The following TMCO1 variants were observed in gnomAD, a reference collection of about 807,000 sequenced individuals.
The protein encoded by TMCO1 is transmembrane and coiled-coil domains 1.
In TMCO1, 29 loss-of-function variants were observed where a neutral mutation model predicts 29.3. That is an observed-to-expected ratio of 0.99 (90% CI 0.74 to 1.35). TMCO1 has a LOEUF of 1.35. TMCO1 is among the 40% of genes most tolerant of loss of function. The pLI is 0.00. For synonymous variants in TMCO1, 80 were observed against 77.1 expected (o/e 1.04, Z -0.20); for missense variants, 173 against 225.5 (o/e 0.77, Z 1.49).
rs1405221262 is a variant in TMCO1, at chr1:165,759,397, TG to T, written c.208+127del. ...AGAATCAAGTGAGATAAAGTATGCA[TG>T]TGCTTTATAAACCATAAAATCATAG... is the stretch of plus-strand genomic sequence containing the variant. On this transcript the variant is annotated intron_variant, in intron 3 of 6. Transcript: ENST00000367881. 5 of 723,196 alleles carry T rather than the reference TG, an allele frequency of 6.9e-6. No homozygotes were observed. The African/African-American group carries it at 8.9e-5, about 13-fold the overall frequency. The allele number at this position is 723,196 out of a possible 1,614,324, so 44.8% of individuals were successfully genotyped here.
At chr1:165,744,067 C>T (rs1651700504) in intron 5 of TMCO1, among the ~76,000 whole-genome samples, 1 of 151,980 alleles carries the variant, frequency 6.6e-6, no homozygotes, top group South Asian at 2.1e-4. Flanking sequence ...ACGATGTTGG[C>T]CTTGATGGTC....
chr1:165,764,270 C>T (rs1052569399), intron 2 of TMCO1, among the ~76,000 whole-genome samples: 3 of 152,214 alleles, frequency 2.0e-5, no homozygotes, highest in African/African-American at 7.2e-5. Flanking sequence ...ATTAAATACA[C>T]ATTTATCAAG....
chr1:165,754,375 C>G, intron 3 of TMCO1, 101 bp from the exon 4 acceptor site: 1 of 891,896 alleles, frequency 1.1e-6, no homozygotes, highest in Non-Finnish European at 1.9e-6. Context: ...CACTCTATCT[C>G]AATATCATTT....
At chr1:165,728,197 A>G in intron 6 of TMCO1, 76 bp from the exon 7 acceptor site, 1 of 1,122,268 alleles carries the variant, frequency 8.9e-7, no homozygotes, top group Middle Eastern at 2.1e-4. Context: ...GCTCTCAGGC[A>G]AAGGGAACTC....
intron 6 of TMCO1, among the ~76,000 whole-genome samples, chr1:165,742,111 C>A (rs2101797576): frequency 6.6e-6 from 1 of 152,350 alleles, no homozygotes; most frequent in South Asian, 2.1e-4. Context: ...AAAAGAGAAT[C>A]ACTTGTGTAA....
rs1169390058 is a variant in TMCO1, at chr1:165,727,057, T to G, written c.*966A>C. 1 of 454,134 alleles carries G rather than the reference T, an allele frequency of 2.2e-6. No individual in the cohort carries two copies. The highest frequency in any genetic ancestry group is 4.4e-6 in the Non-Finnish European group (1 of 226,802). The allele number at this position is 454,134 out of a possible 1,614,324, so 28.1% of individuals were successfully genotyped here. A position where few individuals can be genotyped will look rare whatever the true frequency, so the allele number is the denominator to read the frequency against. On this transcript the variant is annotated 3_prime_UTR_variant, in exon 7 of 7. Transcript: ENST00000367881. ...TTGATAAGACTCCACACAGGACTCCTAATTCCATAGATTATGCGGGGAGGA... is the reference window on the plus strand; with the variant it reads ...TTGATAAGACTCCACACAGGACTCCGAATTCCATAGATTATGCGGGGAGGA...
downstream of TMCO1, chr1:165,724,455 A>C (rs914712618): frequency 4.4e-6 from 2 of 454,144 alleles, no homozygotes; most frequent in Non-Finnish European, 8.8e-6. Flanking sequence ...AATATATTGT[A>C]AGAGGGCAGA....
At chr1:165,735,286 T>C (rs917127433) in intron 6 of TMCO1, among the ~76,000 whole-genome samples, 4 of 152,172 alleles carry the variant, frequency 2.6e-5, no homozygotes, top group Non-Finnish European at 5.9e-5. Context: ...AAAGACAAAA[T>C]GTTTTATTTT....
In TMCO1 at chr1:165,745,466, A is replaced by C. The variant is rs570894109; in HGVS notation, c.324-2155T>G. 1.2e-4 allele frequency among the ~76,000 whole-genome samples: 12 copies of C among 99,716 alleles called. No homozygotes were observed. The Admixed American group carries it at 1.3e-3, about 11-fold the overall frequency. 65.4% of individuals were successfully genotyped at this position (99,716 alleles called of 152,430 possible). A position where few individuals can be genotyped will look rare whatever the true frequency, so the allele number is the denominator to read the frequency against. On this transcript the variant is annotated intron_variant, in intron 5 of 6. Transcript: ENST00000367881. The stretch of plus-strand genomic sequence containing the variant: ...AGCCCGGGCAACATGGCGAAACCCT[A>C]TCTCTACCAAAAAAAAAAAAAAAAA...
At chr1:165,765,326 C>T (rs899010449) in intron 2 of TMCO1, among the ~76,000 whole-genome samples, 1 of 152,110 alleles carries the variant, frequency 6.6e-6, no homozygotes, top group African/African-American at 2.4e-5. Context: ...CACTGTTGGC[C>T]AAGCTGGAGT....
chr1:165,734,940 A>G (rs1651312010), intron 6 of TMCO1, among the ~76,000 whole-genome samples: 1 of 152,234 alleles, frequency 6.6e-6, no homozygotes, highest in African/African-American at 2.4e-5. Context: ...TAGAAAACGG[A>G]AGCTCCCTTC....
chr1:165,744,693 G>A (rs2101799867), intron 5 of TMCO1, among the ~76,000 whole-genome samples: 1 of 151,580 alleles, frequency 6.6e-6, no homozygotes, highest in South Asian at 2.1e-4. Context: ...AGGAGGCTGA[G>A]GCAGGAGAAT....
chr1:165,762,461 G>A (rs1479107554), intron 2 of TMCO1, among the ~76,000 whole-genome samples: 1 of 152,050 alleles, frequency 6.6e-6, no homozygotes, highest in Non-Finnish European at 1.5e-5. Context: ...CTAGAGAATA[G>A]AAACATAAGA....
At position 165,768,279 on chromosome 1, in the gene TMCO1, T is replaced by C. The variant is rs764578344; in HGVS notation, c.71-10A>G. The C allele has an allele frequency of 2.5e-6, 4 of 1,610,254 alleles. No homozygotes were observed. The highest frequency in any genetic ancestry group is 2.2e-5 in the South Asian group (2 of 90,986). ...AGGACCCAGGTTATGCCTAAAACATTAAAAGCAACATGTTAATAGAGAAAT... is the reference window on the plus strand; with the variant it reads ...AGGACCCAGGTTATGCCTAAAACATCAAAAGCAACATGTTAATAGAGAAAT... On this transcript the variant is annotated splice_polypyrimidine_tract_variant and intron_variant, in intron 1 of 6. Coordinates refer to ENST00000367881, the MANE Select transcript of TMCO1 (RefSeq NM_019026.6).
At chr1:165,745,212 G>A (rs1011674587) in intron 5 of TMCO1, among the ~76,000 whole-genome samples, 2 of 145,608 alleles carry the variant, frequency 1.4e-5, no homozygotes, top group African/African-American at 2.6e-5. Context: ...TTGTAGAGCT[G>A]TGGTCTTCCT....
intron 5 of TMCO1, among the ~76,000 whole-genome samples, chr1:165,751,626 C>T (rs769763456): frequency 1.3e-5 from 2 of 151,466 alleles, no homozygotes; most frequent in South Asian, 2.1e-4. Flanking sequence ...ATCGCTTGAA[C>T]GCAGGAAGAC....
At chr1:165,743,356 G>C (rs780642772) in intron 5 of TMCO1, 45 bp from the exon 6 acceptor site, 2 of 1,590,316 alleles carry the variant, frequency 1.3e-6, no homozygotes. Context: ...TTGGAAGACT[G>C]ACAACTTTCT....
chr1:165,746,735 G>A (rs1052262889), intron 5 of TMCO1, among the ~76,000 whole-genome samples: 32 of 151,986 alleles, frequency 2.1e-4, no homozygotes, highest in African/African-American at 6.3e-4. Context: ...CTGCAGTATC[G>A]TTGGTATTTT....
chr1:165,743,268 A>G lies in TMCO1; in HGVS notation c.367T>C (p.Ser123Pro). ...CGATGAGACAGTCCTTGGATGTAAGAAAGAGGGGTAAAAGGAAGCTTTGCC... is the reference window on the plus strand; with the variant it reads ...CGATGAGACAGTCCTTGGATGTAAGGAAGAGGGGTAAAAGGAAGCTTTGCC... ...VVAKLPFTPL[S>P]YIQGLSHRNL... The change falls in exon 6 of 7, where the codon TCT (serine) becomes CCT (proline). Residue 123 changes from serine to proline, a missense_variant. Coordinates refer to ENST00000367881, the MANE Select transcript of TMCO1 (RefSeq NM_019026.6). 1.9e-6 allele frequency: 3 copies of G among 1,614,016 alleles called. No homozygotes were observed. The highest frequency in any genetic ancestry group is 2.5e-6 in the Non-Finnish European group (3 of 1,179,970).
Sources: gnomAD v4.1 joint callset for allele counts (sites outside exome capture counted in the v4.1 genomes callset) on GRCh38, gnomAD v4.1.1 for gene constraint, MANE v1.5 for transcripts, NCBI Gene and HGNC (gene_info 2026-07-23, HGNC 2026-07-21) for gene names.